The following ANKHD1 variants were observed in gnomAD, a reference collection of about 807,000 sequenced individuals.
ANKHD1 encodes the protein ankyrin repeat and KH domain-containing protein 1.
In ANKHD1, 31 loss-of-function variants were observed where a neutral mutation model predicts 230.5. The observed-to-expected ratio is 0.13, with a 90% CI of 0.10 to 0.18. The LOEUF is 0.18. Among genes scored for constraint, ANKHD1 ranks in the 10% least tolerant of loss-of-function variants. The probability of loss-of-function intolerance (pLI) is 1.00; values close to 1 mark genes in which losing one functional copy is unlikely to be tolerated. For synonymous variants in ANKHD1, 1,074 were observed against 1,117.6 expected (o/e 0.96, Z 0.78); for missense variants, 2,256 against 3,071.3 (o/e 0.73, Z 6.27).
intron 17 of ANKHD1, 129 bp from the exon 18 acceptor site, chr5:140,505,595 T>G (rs1752502681): frequency 7.4e-7 from 1 of 1,359,998 alleles, no homozygotes; most frequent in Non-Finnish European, 9.7e-7. Context: ...AGAGCAGTTT[T>G]ATGTTAACTC....
At chr5:140,467,315 A>G (rs778841940) in intron 10 of ANKHD1, among the ~76,000 whole-genome samples, 1 of 152,250 alleles carries the variant, frequency 6.6e-6, no homozygotes, top group African/African-American at 2.4e-5. Context: ...TATTTTATAT[A>G]TTGATTTTAA....
chr5:140,401,941 C>T lies in ANKHD1; in HGVS notation c.-27C>T. 7 of 1,549,928 alleles carry T rather than the reference C, an allele frequency of 4.5e-6. No individual in the cohort carries two copies. The highest frequency in any genetic ancestry group is 6.1e-6 in the Non-Finnish European group (7 of 1,155,150). The stretch of plus-strand genomic sequence containing the variant: ...GCGGCGGTGACCGCGAGTGGGTCGG[C>T]ACCGTCTCCGGCTCCGGGTGCGAAC... On this transcript the variant is annotated 5_prime_UTR_variant, in exon 1 of 34. Coordinates refer to ENST00000360839, the MANE Select transcript of ANKHD1 (RefSeq NM_017747.3).
intron 4 of ANKHD1, 52 bp from the exon 5 acceptor site, chr5:140,440,943 C>T: frequency 6.8e-7 from 1 of 1,477,206 alleles, no homozygotes; most frequent in Non-Finnish European, 9.0e-7. Flanking sequence ...TCTAGAAATA[C>T]TATTGAATAG....
chr5:140,528,308 A>G lies in ANKHD1; in HGVS notation c.5362A>G (p.Ile1788Val), dbSNP rs777501574. The change falls in exon 29 of 34, where the codon ATT becomes GTT. Residue 1788 changes from isoleucine (I) to valine (V), a missense_variant. By Grantham distance (29) the Ile-to-Val change is conservative. Transcript: ENST00000360839. ...HIRTPASTKS[I>V]HANFSSGVGT... ...CAGAACACCTGCCAGCACCAAATCA[A>G]TTCATGCTAACTTCTCATCTGGAGT... 5.0e-6 allele frequency: 8 copies of G among 1,614,016 alleles called. No individual in the cohort carries two copies. Among genetic ancestry groups the G allele is most frequent in the Non-Finnish European group, 5.9e-6 (7 of 1,180,022 alleles).
At chr5:140,511,427 T>C (rs1028987586) in intron 22 of ANKHD1, among the ~76,000 whole-genome samples, 2 of 152,198 alleles carry the variant, frequency 1.3e-5, no homozygotes, top group Admixed American at 6.5e-5. Flanking sequence ...AGCTCACCTC[T>C]CTACTCATCT....
chr5:140,410,992 C>A (rs759831506), intron 1 of ANKHD1, among the ~76,000 whole-genome samples: 2 of 152,056 alleles, frequency 1.3e-5, no homozygotes, highest in Non-Finnish European at 2.9e-5. Flanking sequence ...AGAGCCCATA[C>A]TGTTATTTTG....
chr5:140,516,594 G>A (rs1487003479), intron 24 of ANKHD1, among the ~76,000 whole-genome samples: 1 of 152,092 alleles, frequency 6.6e-6, no homozygotes, highest in East Asian at 1.9e-4. Context: ...AGATCTCTCG[G>A]CAGAAACTCT....
intron 1 of ANKHD1, among the ~76,000 whole-genome samples, chr5:140,429,020 A>G (rs966254561): frequency 4.0e-5 from 6 of 150,072 alleles, no homozygotes; most frequent in African/African-American, 1.5e-4. Flanking sequence ...TCCTGACCTC[A>G]GGTGATCCAC....
At chr5:140,446,650 G>A (rs969602539) in intron 6 of ANKHD1, among the ~76,000 whole-genome samples, 5 of 152,044 alleles carry the variant, frequency 3.3e-5, no homozygotes, top group African/African-American at 7.2e-5. Context: ...GATTACAGGC[G>A]TGAGCCAGCA....
rs747205082 is a variant in ANKHD1, at chr5:140,524,054, C to T, written c.4318-12C>T. 6.4e-7 allele frequency: 1 copy of T among 1,562,042 alleles called. No homozygotes were observed. The highest frequency in any genetic ancestry group is 1.4e-5 in the African/African-American group (1 of 71,310). ...CCTTATTGGTAAAATTATATACCTG[C>T]TTTATTTCCAGTCAAGAGAAGAGAG... is the stretch of plus-strand genomic sequence containing the variant. On this transcript the variant is annotated splice_polypyrimidine_tract_variant and intron_variant, in intron 24 of 33. Transcript: ENST00000360839.
Position 140,536,109 on chromosome 5 carries a change from TGAGA to T in ANKHD1, c.7027+572_7027+575del, listed in dbSNP as rs969778253. Among the ~76,000 whole-genome samples, 50 of 152,096 alleles carry T rather than the reference TGAGA, an allele frequency of 3.3e-4. 1 individual carries two copies. In the East Asian group the frequency reaches 8.7e-3, roughly 26 times the overall value. On this transcript the variant is annotated intron_variant, in intron 30 of 33. Coordinates refer to ENST00000360839, the MANE Select transcript of ANKHD1 (RefSeq NM_017747.3). ...TCTATTGATTGATTGATTGATTGAT[TGAGA>T]TAGAGTGTCTCGCTCTGTTGCCCTG...
chr5:140,445,438 A>T (rs1022763989), intron 5 of ANKHD1, among the ~76,000 whole-genome samples: 8 of 152,090 alleles, frequency 5.3e-5, no homozygotes, highest in African/African-American at 1.7e-4. Context: ...TGGGAAGCGG[A>T]GGTGGTAGTG....
At chr5:140,433,599 T>A (rs1274111137) in intron 1 of ANKHD1, among the ~76,000 whole-genome samples, 2 of 152,188 alleles carry the variant, frequency 1.3e-5, no homozygotes, top group East Asian at 3.8e-4. Context: ...TTTGTAATAG[T>A]TGTTGGAGTC....
intron 10 of ANKHD1, among the ~76,000 whole-genome samples, chr5:140,477,966 C>T (rs567714318): frequency 1.6e-3 from 244 of 152,216 alleles, no homozygotes; most frequent in African/African-American, 5.4e-3. Flanking sequence ...AAAAATTACA[C>T]GGTAGAAACT....
intron 1 of ANKHD1, among the ~76,000 whole-genome samples, chr5:140,416,029 C>T (rs1358346658): frequency 1.3e-5 from 2 of 152,068 alleles, no homozygotes; most frequent in African/African-American, 4.8e-5. Flanking sequence ...TGAGTGAGAA[C>T]GTGCAGTGTC....
intron 6 of ANKHD1, among the ~76,000 whole-genome samples, chr5:140,448,054 A>T (rs1207961715): frequency 1.3e-5 from 2 of 152,188 alleles, no homozygotes; most frequent in Admixed American, 1.3e-4. Context: ...AGGCTGAGGC[A>T]GGAGGATCTC....
At chr5:140,412,299 C>T (rs948966893) in intron 1 of ANKHD1, among the ~76,000 whole-genome samples, 29 of 151,758 alleles carry the variant, frequency 1.9e-4, no homozygotes, top group Admixed American at 5.9e-4. Context: ...CAAAGTGCTG[C>T]GATTACAGGC....
At chr5:140,503,380 A>C (rs1752387735) in intron 15 of ANKHD1, among the ~76,000 whole-genome samples, 1 of 151,936 alleles carries the variant, frequency 6.6e-6, no homozygotes, top group East Asian at 1.9e-4. Flanking sequence ...TTGAGCACCC[A>C]CCATTTGCTA....
chr5:140,475,859 A>T (rs1331688872), intron 10 of ANKHD1, among the ~76,000 whole-genome samples: 2 of 152,232 alleles, frequency 1.3e-5, no homozygotes. Flanking sequence ...TAAAAAAATT[A>T]TAAAGCTGGA....
Sources: allele counts gnomAD v4.1 joint callset (sites outside exome capture counted in the v4.1 genomes callset), GRCh38; gene constraint gnomAD v4.1.1; transcripts MANE v1.5; gene names NCBI Gene and HGNC (gene_info 2026-07-23, HGNC 2026-07-21).